Variants in LRRC37A observed in about 807,000 individuals in gnomAD.
LRRC37A encodes leucine rich repeat containing 37A, also known as leucine-rich repeat-containing protein 37A.
A neutral mutation model predicts 35.4 loss-of-function variants in LRRC37A; 3 were observed. The observed-to-expected ratio is 0.08, with a 90% CI of 0.04 to 0.22. The LOEUF (loss-of-function observed/expected upper bound fraction) is 0.22. LRRC37A is among the 10% of genes least tolerant of loss of function. The pLI is 1.00. For synonymous variants in LRRC37A, 23 were observed against 215.0 expected (o/e 0.11, Z 7.81); for missense variants, 67 against 565.3 (o/e 0.12, Z 8.94).
chr17:46,252,281 T>C, the LRRC37A span, among the ~76,000 whole-genome samples: 4 of 152,114 alleles, frequency 2.6e-5, no homozygotes, highest in East Asian at 5.8e-4. Context: ...CTCAGTTCAC[T>C]GCAACCTCCA....
chr17:46,309,210 CATTT>C (rs2050682880), intron 5 of LRRC37A, among the ~76,000 whole-genome samples: 1 of 45,918 alleles, frequency 2.2e-5, no homozygotes, highest in Admixed American at 2.7e-4. Context: ...GAAAGGAGGA[CATTT>C]ATTTGCAGGG....
At chr17:46,286,204 T>C in the LRRC37A span, among the ~76,000 whole-genome samples, 1 of 152,286 alleles carries the variant, frequency 6.6e-6, no homozygotes, top group Non-Finnish European at 1.5e-5. Flanking sequence ...AGTTTTAGTA[T>C]TGTGGTTTTA....
At chr17:46,260,214 C>A in the LRRC37A span, 2 of 1,532,786 alleles carry the variant, frequency 1.3e-6, no homozygotes, top group Non-Finnish European at 1.8e-6. Context: ...GCTCACACTT[C>A]CCGGTGCTGC....
upstream of LRRC37A, among the ~76,000 whole-genome samples, chr17:46,291,156 A>C (rs1012883835): frequency 1.3e-5 from 2 of 152,260 alleles, no homozygotes; most frequent in African/African-American, 4.8e-5. Context: ...GGTTAGAAAG[A>C]AAACCTTGAG....
the LRRC37A span, chr17:46,259,458 G>C: frequency 7.4e-7 from 1 of 1,352,024 alleles, no homozygotes; most frequent in Non-Finnish European, 1.0e-6. Flanking sequence ...CACCTTTGGG[G>C]GTCAGATAGT....
At chr17:46,279,740 C>T in the LRRC37A span, among the ~76,000 whole-genome samples, 27 of 152,140 alleles carry the variant, frequency 1.8e-4, no homozygotes. Flanking sequence ...AAGCATCCTC[C>T]TGCCTCAGCC....
At chr17:46,262,059 C>T in the LRRC37A span, among the ~76,000 whole-genome samples, 1 of 152,208 alleles carries the variant, frequency 6.6e-6, no homozygotes, top group Non-Finnish European at 1.5e-5. Context: ...AAGCAATTCT[C>T]CTGTCTCAGC....
chr17:46,250,076 C>G, the LRRC37A span, among the ~76,000 whole-genome samples: 1 of 152,204 alleles, frequency 6.6e-6, no homozygotes, highest in Non-Finnish European at 1.5e-5. Flanking sequence ...GGATTACAGG[C>G]GTGAGCCACC....
the LRRC37A span, among the ~76,000 whole-genome samples, chr17:46,264,970 C>T: frequency 7.9e-5 from 12 of 152,336 alleles, no homozygotes; most frequent in Non-Finnish European, 1.0e-4. Flanking sequence ...ATAAAGAGCA[C>T]GTGAAAGAAG....
intron 5 of LRRC37A, among the ~76,000 whole-genome samples, chr17:46,307,757 C>T (rs1348128275): frequency 1.3e-5 from 1 of 79,176 alleles, no homozygotes; most frequent in Non-Finnish European, 3.9e-5. Flanking sequence ...GTGGCTCATG[C>T]CTGTAATTCC....
At chr17:46,322,547 GA>G (rs1188255877) in intron 6 of LRRC37A, among the ~76,000 whole-genome samples, 154 bp downstream of exon 6, 1 of 102,072 alleles carries the variant, frequency 9.8e-6, no homozygotes, top group Non-Finnish European at 2.2e-5. Context: ...AAAAAATTAA[GA>G]GGATGTATAA....
chr17:46,274,169 A>G, the LRRC37A span, among the ~76,000 whole-genome samples: 1 of 152,242 alleles, frequency 6.6e-6, no homozygotes. Flanking sequence ...TCATTAGCAC[A>G]CATTCAAAGA....
At chr17:46,262,204 C>A in the LRRC37A span, among the ~76,000 whole-genome samples, 30 of 152,322 alleles carry the variant, frequency 2.0e-4, no homozygotes, top group African/African-American at 7.2e-4. Flanking sequence ...CCCACCTTGG[C>A]CTCCCAAAGT....
chr17:46,272,378 A>G, the LRRC37A span, among the ~76,000 whole-genome samples: 18,449 of 152,208 alleles, frequency 0.12, no homozygotes, highest in Non-Finnish European at 0.18. Flanking sequence ...AGCAGCTTTC[A>G]GAACTCATTA....
At chr17:46,256,677 T>C in the LRRC37A span, among the ~76,000 whole-genome samples, 1 of 152,178 alleles carries the variant, frequency 6.6e-6, no homozygotes, top group South Asian at 2.1e-4. Context: ...AATGGCTCTG[T>C]TACTTAATGG....
chr17:46,256,472 A>G, the LRRC37A span, among the ~76,000 whole-genome samples: 1 of 152,172 alleles, frequency 6.6e-6, no homozygotes, highest in African/African-American at 2.4e-5. Context: ...AAGATATGGC[A>G]AGAAGGCAGC....
chr17:46,324,779 G>C lies in LRRC37A; in HGVS notation c.3053+1752G>C, dbSNP rs1271239075. ...CACTTGAACCCAGGAAGTGGAGGTT[G>C]CAGTGAGCCAAGATGGCACCACTGC... On this transcript the variant is annotated intron_variant, in intron 7 of 13. Transcript: ENST00000320254. Among the ~76,000 whole-genome samples the C allele has an allele frequency of 2.6e-5, 2 of 75,864 alleles. 1 individual carries two copies. Among genetic ancestry groups the C allele is most frequent in the Non-Finnish European group, 7.8e-5 (2 of 25,562 alleles). 49.8% of individuals were successfully genotyped at this position (75,864 alleles called of 152,430 possible).
At chr17:46,291,265 T>C (rs542012311), upstream of LRRC37A, among the ~76,000 whole-genome samples, 2 of 152,334 alleles carry the variant, frequency 1.3e-5, no homozygotes, top group African/African-American at 4.8e-5. Flanking sequence ...TCCCTCTCCC[T>C]TCAAGAACAT....
chr17:46,260,377 C>A, the LRRC37A span: 6 of 1,470,012 alleles, frequency 4.1e-6, no homozygotes, highest in Non-Finnish European at 5.4e-6. Context: ...TAGAGGCGGC[C>A]CACGCGCTGG....
Sources: gnomAD v4.1 joint callset for allele counts (sites outside exome capture counted in the v4.1 genomes callset) on GRCh38, gnomAD v4.1.1 for gene constraint, MANE v1.5 for transcripts, NCBI Gene and HGNC (gene_info 2026-07-23, HGNC 2026-07-21) for gene names.